Variants in KRT27 observed in about 807,000 individuals in gnomAD.
KRT27 encodes the protein keratin, type I cytoskeletal 27.
A neutral mutation model predicts 45.3 loss-of-function variants in KRT27; 30 were observed. The ratio of observed to expected loss-of-function variants is 0.66; its 90% CI spans 0.50 to 0.90. The LOEUF is 0.90. Ranked by LOEUF, KRT27 falls within the 40% of genes least tolerant of loss-of-function variation. The pLI is 0.00. For missense variants in KRT27, 610 were observed against 564.3 expected, an observed-to-expected ratio of 1.08 and a Z score of -0.82; for synonymous variants, 204 against 223.9, an observed-to-expected ratio of 0.91 and a Z score of 0.79.
intron 7 of KRT27, 37 bp from the exon 8 acceptor site, chr17:40,777,175 A>G: frequency 6.2e-7 from 1 of 1,610,842 alleles, no homozygotes; most frequent in Non-Finnish European, 8.5e-7. Flanking sequence ...GAATTTATCA[A>G]ATTCATAAAT....
At chr17:40,779,359 G>T in intron 5 of KRT27, 143 bp downstream of exon 5, 2 of 1,019,232 alleles carry the variant, frequency 2.0e-6, no homozygotes, top group Non-Finnish European at 2.8e-6. Context: ...GGATTGTCAT[G>T]TGCAAAATGC....
Position 40,779,644 on chromosome 17 carries a change from C to A in KRT27, c.847-17G>T, listed in dbSNP as rs774804481. 2 of 1,613,710 alleles carry A rather than the reference C, an allele frequency of 1.2e-6. No individual in the cohort carries two copies. Among genetic ancestry groups the A allele is most frequent in the African/African-American group, 2.7e-5 (2 of 74,930 alleles). On this transcript the variant is annotated splice_polypyrimidine_tract_variant and intron_variant, in intron 4 of 7. Coordinates refer to ENST00000301656, the MANE Select transcript of KRT27 (RefSeq NM_181537.4). Reference sequence around the variant, plus strand: ...CGAGGCGCTCTGGAACGGCAGGGGCCGCGTTAGGGCGCTGGGGCTGAGTCC... The same window carrying A: ...CGAGGCGCTCTGGAACGGCAGGGGCAGCGTTAGGGCGCTGGGGCTGAGTCC...
intron 3 of KRT27, among the ~76,000 whole-genome samples, 161 bp downstream of exon 3, chr17:40,780,139 G>C (rs774152306): frequency 3.3e-5 from 5 of 152,190 alleles, no homozygotes; most frequent in Non-Finnish European, 7.3e-5. Context: ...TGTTTCTTTT[G>C]AGAAGAATGA....
Position 40,777,646 on chromosome 17 carries a change from C to T in KRT27, c.1059G>A (p.Leu353=), listed in dbSNP as rs1567679196. 2 of 1,614,118 alleles carry T rather than the reference C, an allele frequency of 1.2e-6. No individual in the cohort carries two copies. The highest frequency in any genetic ancestry group is 1.3e-5 in the African/African-American group (1 of 75,030). The change falls in exon 6 of 8, where the codon CTG becomes CTA. Residue 353 remains leucine, a synonymous_variant. Coordinates refer to ENST00000301656, the MANE Select transcript of KRT27 (RefSeq NM_181537.4). ...TTCTGACCTGGTGCAGCTGCTCCTC[C>T]AGGGCCCCGATCTGAGCCTGGATCT... ...LAQIQAQIGA[L]EEQLHQVRTE...
rs761938002 is a variant in KRT27 at position 40,781,182 on chromosome 17, A to T, written c.527+6T>A. On this transcript the variant is annotated splice_donor_region_variant and intron_variant, in intron 2 of 7. Transcript: ENST00000301656. ...TTTTTTCCCATTTATCTTCAGCTCT[A>T]CTTACTTTAGTCTGAAGTCATCAGC... 1 of 1,593,396 alleles carries T rather than the reference A, an allele frequency of 6.3e-7. No homozygotes were observed. The highest frequency in any genetic ancestry group is 1.1e-5 in the South Asian group (1 of 88,008).
Position 40,781,216 on chromosome 17 carries a change from T to C in KRT27, c.499A>G (p.Arg167Gly). 3.7e-6 allele frequency: 6 copies of C among 1,611,692 alleles called. No homozygotes were observed. The highest frequency in any genetic ancestry group is 1.3e-5 in the African/African-American group (1 of 75,032). ...AGTCTGAAGTCATCAGCTGTTAGTC[T>C]TGCATTATCATTTTGCAGGACAACA... ...AHVVLQNDNA[R>G]LTADDFRLKF... is the part of the protein sequence containing the mutation. The change falls in exon 2 of 8, where the codon AGA becomes GGA. Residue 167 changes from arginine to glycine, a missense_variant. Transcript: ENST00000301656.
At chr17:40,780,855 A>G (rs2143035517) in intron 2 of KRT27, among the ~76,000 whole-genome samples, 1 of 151,978 alleles carries the variant, frequency 6.6e-6, no homozygotes, top group East Asian at 1.9e-4. Context: ...TCTCCAAAAA[A>G]TAAATAAATA....
Position 40,782,501 on chromosome 17 carries a change from G to A in KRT27, c.-8C>T, listed in dbSNP as rs765220010. 3.9e-5 allele frequency: 59 copies of A among 1,530,062 alleles called. No homozygotes were observed. Among genetic ancestry groups the A allele is most frequent in the South Asian group, 8.8e-5 (7 of 79,208 alleles). The allele number at this position is 1,530,062 out of a possible 1,614,324, so 94.8% of individuals were successfully genotyped here. A position where few individuals can be genotyped will look rare whatever the true frequency, so the allele number is the denominator to read the frequency against. On this transcript the variant is annotated 5_prime_UTR_variant, in exon 1 of 8. Coordinates refer to ENST00000301656, the MANE Select transcript of KRT27 (RefSeq NM_181537.4). ...AGAAAAGCGCACAGACATGGTGTCC[G>A]GAGGCTGGAGCCTTTGTTTCTGCGG...
At chr17:40,781,321 C>T in intron 1 of KRT27, 51 bp from the exon 2 acceptor site, 1 of 1,074,208 alleles carries the variant, frequency 9.3e-7, no homozygotes, top group Non-Finnish European at 1.4e-6. Flanking sequence ...AGATGCATTT[C>T]AAAGTTCCTT....
rs1412009258 is a variant in KRT27, at chr17:40,777,011, C to A, written c.1368G>T (p.Arg456Ser). The A allele has an allele frequency of 6.2e-7, 1 of 1,611,116 alleles. No individual in the cohort carries two copies. Among genetic ancestry groups the A allele is most frequent in the Non-Finnish European group, 8.5e-7 (1 of 1,177,786 alleles). ...STKVNNKNEQ[R>S]VSS ...CAGAGGCTGGAGTTCAGGAAGACAC[C>A]CTCTGTTCATTCTTGTTGTTGACTT... is the stretch of plus-strand genomic sequence containing the variant. The change falls in exon 8 of 8, where the codon AGG becomes AGT. Residue 456 changes from arginine (R) to serine (S), a missense_variant. Physicochemically the swap from Arg to Ser is moderately radical, Grantham distance 110. Transcript: ENST00000301656.
intron 5 of KRT27, among the ~76,000 whole-genome samples, chr17:40,778,597 C>T (rs1313504140): frequency 1.3e-5 from 2 of 152,192 alleles, no homozygotes; most frequent in Admixed American, 6.5e-5. Flanking sequence ...GCCCATGCCC[C>T]GGGGTTGTTG....
chr17:40,776,928 A>G lies in KRT27; in HGVS notation c.*71T>C. On this transcript the variant is annotated 3_prime_UTR_variant, in exon 8 of 8. Coordinates refer to ENST00000301656, the MANE Select transcript of KRT27 (RefSeq NM_181537.4). ...GGAAGAAAAGCAGAAAAATAAGGGG[A>G]CCCTTATTTAGGAAACTAGCTTCAT... 1 of 1,353,140 alleles carries G rather than the reference A, an allele frequency of 7.4e-7. No homozygotes were observed. The highest frequency in any genetic ancestry group is 2.3e-5 in the East Asian group (1 of 43,072). The allele number at this position is 1,353,140 out of a possible 1,614,324, so 83.8% of individuals were successfully genotyped here. A position where few individuals can be genotyped will look rare whatever the true frequency, so the allele number is the denominator to read the frequency against.
rs2038309053 is a variant in KRT27 at position 40,781,224 on chromosome 17, T to C, written c.491A>G (p.Asp164Gly). ...GTCATCAGCTGTTAGTCTTGCATTA[T>C]CATTTTGCAGGACAACATGGGCATT... ...TSNAHVVLQNDNARLTADDFR... is the reference protein window; with the variant it reads ...TSNAHVVLQNGNARLTADDFR... The change falls in exon 2 of 8, where the codon GAT becomes GGT. Residue 164 changes from aspartate to glycine, a missense_variant. Asp to Gly is a moderately conservative substitution (Grantham distance 94, BLOSUM62 -1). Coordinates refer to ENST00000301656, the MANE Select transcript of KRT27 (RefSeq NM_181537.4). 2 of 1,611,914 alleles carry C rather than the reference T, an allele frequency of 1.2e-6. No individual in the cohort carries two copies. The highest frequency in any genetic ancestry group is 1.7e-6 in the Non-Finnish European group (2 of 1,178,816).
Position 40,779,638 on chromosome 17 carries a change from A to AGGGGCCGCGTTAGGGCGCTGGGGCT in KRT27, c.847-36_847-12dup. The AGGGGCCGCGTTAGGGCGCTGGGGCT allele has an allele frequency of 6.2e-7, 1 of 1,614,022 alleles. No individual in the cohort carries two copies. The highest frequency in any genetic ancestry group is 2.2e-5 in the East Asian group (1 of 44,882). On this transcript the variant is annotated splice_polypyrimidine_tract_variant and intron_variant, in intron 4 of 7. Coordinates refer to ENST00000301656, the MANE Select transcript of KRT27 (RefSeq NM_181537.4). ...CTGCAGCGAGGCGCTCTGGAACGGC[A>AGGGGCCGCGTTAGGGCGCTGGGGCT]GGGGCCGCGTTAGGGCGCTGGGGCT...
In KRT27 at chr17:40,778,396, G is replaced by A. The variant is rs1348955497; in HGVS notation, c.973-664C>T. Among the ~76,000 whole-genome samples the A allele has an allele frequency of 2.0e-5, 3 of 152,308 alleles. No individual in the cohort carries two copies. The East Asian group carries it at 5.8e-4, about 29-fold the overall frequency. Reference sequence around the variant, plus strand: ...AGTCTTGATTTTATATACATTCATAGCCTCATCTGTGGATAAACTCTGGTG... The same window carrying A: ...AGTCTTGATTTTATATACATTCATAACCTCATCTGTGGATAAACTCTGGTG... On this transcript the variant is annotated intron_variant, in intron 5 of 7. Coordinates refer to ENST00000301656, the MANE Select transcript of KRT27 (RefSeq NM_181537.4).
In KRT27 at chr17:40,781,232, C is replaced by A; in HGVS notation, c.483G>T (p.Leu161=). ...CTGTTAGTCTTGCATTATCATTTTGCAGGACAACATGGGCATTACTGGTAG... is the reference window on the plus strand; with the variant it reads ...CTGTTAGTCTTGCATTATCATTTTGAAGGACAACATGGGCATTACTGGTAG... ...SATTSNAHVV[L]QNDNARLTAD... The change falls in exon 2 of 8, where the codon CTG becomes CTT. Residue 161 remains leucine (L), a synonymous_variant. Transcript: ENST00000301656. The A allele has an allele frequency of 6.2e-7, 1 of 1,611,056 alleles. No homozygotes were observed.
intron 4 of KRT27, 26 bp downstream of exon 4, chr17:40,779,674 C>T (rs1185029966): frequency 6.2e-7 from 1 of 1,613,190 alleles, no homozygotes; most frequent in Admixed American, 1.7e-5. Flanking sequence ...GAGTCCGCGC[C>T]CGGGCGCACC....
At position 40,782,275 on chromosome 17, in the gene KRT27, T is replaced by C; in HGVS notation, c.219A>G (p.Thr73=). 1 of 1,614,180 alleles carries C rather than the reference T, an allele frequency of 6.2e-7. No individual in the cohort carries two copies. The highest frequency in any genetic ancestry group is 8.5e-7 in the Non-Finnish European group (1 of 1,180,024). The stretch of plus-strand genomic sequence containing the variant: ...CAGAGAGGAGGCCGTGCTCATTCCC[T>C]GTGAAGGCAGCACAGGAAGCACTTC... ...GGGSASCAAF[T]GNEHGLLSGN... is the part of the protein sequence containing the mutation. Residue 73 remains threonine, a synonymous_variant, in exon 1 of 8, where the codon ACA becomes ACG. Transcript: ENST00000301656.
At position 40,780,390 on chromosome 17, in the gene KRT27, C is replaced by G. The variant is rs554626522; in HGVS notation, c.594G>C (p.Leu198=). 6.2e-7 allele frequency: 1 copy of G among 1,613,804 alleles called. No individual in the cohort carries two copies. The highest frequency in any genetic ancestry group is 1.1e-5 in the South Asian group (1 of 90,948). The part of the protein sequence containing the change: ...EADINGLRRV[L]DELTLCRTDL... ...CCGTTCTGCACAAGGTCAGCTCATC[C>G]AGGACTCTTCGCAAACCATTGATGT... Residue 198 remains leucine, a synonymous_variant, in exon 3 of 8, where the codon CTG becomes CTC. Coordinates refer to ENST00000301656, the MANE Select transcript of KRT27 (RefSeq NM_181537.4).
Sources: allele counts gnomAD v4.1 joint callset (sites outside exome capture counted in the v4.1 genomes callset), GRCh38; gene constraint gnomAD v4.1.1; transcripts MANE v1.5; gene names NCBI Gene and HGNC (gene_info 2026-07-23, HGNC 2026-07-21).